Variants in CDH13 observed in about 807,000 individuals in gnomAD.
CDH13 encodes cadherin-13.
Under a neutral mutation model 63.8 loss-of-function variants are expected in CDH13, and 24 were observed. The observed-to-expected ratio is 0.38, with a 90% CI of 0.27 to 0.53. The LOEUF is 0.53. Among genes scored for constraint, CDH13 ranks in the 20% least tolerant of loss-of-function variants. The pLI is 0.85. For synonymous variants in CDH13, 503 were observed against 355.3 expected (o/e 1.42, Z -4.67); for missense variants, 1,049 against 903.1 (o/e 1.16, Z -2.07).
At chr16:83,056,471 A>G (rs919827397) in intron 3 of CDH13, among the ~76,000 whole-genome samples, 3 of 152,260 alleles carry the variant, frequency 2.0e-5, no homozygotes, top group Admixed American at 6.5e-5. Context: ...TAGCAAAAAA[A>G]AAAGCAACTG....
intron 4 of CDH13, among the ~76,000 whole-genome samples, chr16:83,185,925 G>A (rs779877827): frequency 6.6e-6 from 1 of 152,084 alleles, no homozygotes; most frequent in Non-Finnish European, 1.5e-5. Flanking sequence ...CATGGAGTAT[G>A]TCCGAAAACC....
intron 1 of CDH13, among the ~76,000 whole-genome samples, chr16:82,779,808 C>T (rs1041603563): frequency 2.6e-5 from 4 of 151,880 alleles, no homozygotes; most frequent in East Asian, 3.9e-4. Flanking sequence ...TTTTGGAAGT[C>T]GAGGGAGATG....
intron 6 of CDH13, among the ~76,000 whole-genome samples, chr16:83,437,794 G>A (rs555673212): frequency 8.5e-5 from 13 of 152,242 alleles, no homozygotes; most frequent in Non-Finnish European, 1.9e-4. Flanking sequence ...GATATAATAT[G>A]CCCTGATGTA....
In CDH13 at chr16:82,832,804, G is replaced by C. The variant is rs546088876; in HGVS notation, c.46-25558G>C. ...GATAAAAAGATAATGACCTTCTTGA[G>C]CATCTACTGGGTGACAATCGTTGAA... On this transcript the variant is annotated intron_variant, in intron 1 of 13. Coordinates refer to ENST00000567109, the MANE Select transcript of CDH13 (RefSeq NM_001257.5). Among the ~76,000 whole-genome samples the C allele has an allele frequency of 4.5e-4, 69 of 152,286 alleles. 1 individual carries two copies. The highest frequency in any genetic ancestry group is 1.6e-3 in the African/African-American group (65 of 41,566).
rs146991899 is a variant in CDH13, at chr16:83,109,139, C to T, written c.367-16246C>T. On this transcript the variant is annotated intron_variant, in intron 3 of 13. Transcript: ENST00000567109. Reference sequence around the variant, plus strand: ...GTGGGCTCATGTACAAAAAGGAAACCAGAAGTCACGAGGATCCCTCAGGTG... The same window carrying T: ...GTGGGCTCATGTACAAAAAGGAAACTAGAAGTCACGAGGATCCCTCAGGTG... Among the ~76,000 whole-genome samples the T allele has an allele frequency of 1.5e-4, 23 of 152,210 alleles. No homozygotes were observed. In the East Asian group the frequency reaches 3.9e-3, roughly 26 times the overall value.
chr16:83,464,230 T>A (rs1257500657), intron 6 of CDH13, among the ~76,000 whole-genome samples: 1 of 152,054 alleles, frequency 6.6e-6, no homozygotes, highest in African/African-American at 2.4e-5. Context: ...CGGCTAAATT[T>A]TGCTGGGCAT....
chr16:83,355,319 G>A (rs544059207), intron 6 of CDH13, among the ~76,000 whole-genome samples: 1 of 152,294 alleles, frequency 6.6e-6, no homozygotes, highest in East Asian at 1.9e-4. Flanking sequence ...CATCTATGTG[G>A]AATTACAATA....
chr16:83,226,563 C>A (rs2039846051), intron 5 of CDH13, among the ~76,000 whole-genome samples: 1 of 152,210 alleles, frequency 6.6e-6, no homozygotes, highest in African/African-American at 2.4e-5. Context: ...AGGATGGCTA[C>A]CCTTTTTTTT....
chr16:82,901,015 T>C (rs548965420), intron 2 of CDH13, among the ~76,000 whole-genome samples: 48 of 152,116 alleles, frequency 3.2e-4, no homozygotes, highest in African/African-American at 1.1e-3. Flanking sequence ...TCTAGGTTCT[T>C]GGAGATCAAG....
chr16:83,675,302 G>A (rs1308002672), intron 9 of CDH13, among the ~76,000 whole-genome samples: 1 of 152,196 alleles, frequency 6.6e-6, no homozygotes, highest in Middle Eastern at 3.2e-3. Flanking sequence ...GCATCATACA[G>A]CTGGAGTTAG....
At chr16:83,626,547 A>G (rs1323405536) in intron 8 of CDH13, among the ~76,000 whole-genome samples, 2 of 152,108 alleles carry the variant, frequency 1.3e-5, no homozygotes, top group Non-Finnish European at 2.9e-5. Context: ...CCAAACCTGG[A>G]CTGGGTGGGG....
At chr16:82,973,985 T>G (rs1024727099) in intron 2 of CDH13, among the ~76,000 whole-genome samples, 5 of 152,162 alleles carry the variant, frequency 3.3e-5, no homozygotes, top group African/African-American at 4.8e-5. Flanking sequence ...TGCAGTGGTG[T>G]GATAGCTCAC....
At chr16:83,318,277 C>A (rs1438613987) in intron 5 of CDH13, among the ~76,000 whole-genome samples, 7 of 152,104 alleles carry the variant, frequency 4.6e-5, no homozygotes, top group African/African-American at 1.2e-4. Flanking sequence ...GGAAATTGGG[C>A]CCCTTTCTCT....
intron 1 of CDH13, among the ~76,000 whole-genome samples, chr16:82,827,490 G>C (rs10492858): frequency 0.024 from 3,664 of 152,270 alleles, 173 homozygotes; most frequent in African/African-American, 0.084. Context: ...GTGATGATGT[G>C]AGTCTTGGGC....
At chr16:82,649,859 G>A (rs969898622) in intron 1 of CDH13, among the ~76,000 whole-genome samples, 11 of 152,178 alleles carry the variant, frequency 7.2e-5, no homozygotes, top group African/African-American at 2.2e-4. Flanking sequence ...CCCCTCATCT[G>A]TTGAATGGGA....
At chr16:82,662,691 G>C (rs1054513474) in intron 1 of CDH13, among the ~76,000 whole-genome samples, 1 of 152,226 alleles carries the variant, frequency 6.6e-6, no homozygotes, top group African/African-American at 2.4e-5. Flanking sequence ...ACTAATCTTT[G>C]AGTCGATAAC....
chr16:83,238,798 C>G (rs1045619821), intron 5 of CDH13, among the ~76,000 whole-genome samples: 5 of 152,110 alleles, frequency 3.3e-5, no homozygotes, highest in Non-Finnish European at 7.4e-5. Flanking sequence ...TGAATGCCTT[C>G]TTTTTCATTC....
intron 2 of CDH13, among the ~76,000 whole-genome samples, chr16:82,865,421 G>A (rs1165001705): frequency 6.6e-6 from 1 of 152,236 alleles, no homozygotes; most frequent in Non-Finnish European, 1.5e-5. Flanking sequence ...AATCTAGGCA[G>A]AAGTTCCCAC....
intron 2 of CDH13, among the ~76,000 whole-genome samples, chr16:82,889,772 C>T (rs1044684501): frequency 5.9e-5 from 9 of 152,158 alleles, no homozygotes; most frequent in African/African-American, 1.9e-4. Context: ...AAAATAGTTC[C>T]ATTTGAAAGT....
Sources: gnomAD v4.1 joint callset for allele counts (sites outside exome capture counted in the v4.1 genomes callset) on GRCh38, gnomAD v4.1.1 for gene constraint, MANE v1.5 for transcripts, NCBI Gene and HGNC (gene_info 2026-07-23, HGNC 2026-07-21) for gene names.